GRHL2: variants seen among roughly 807,000 people sequenced by gnomAD.
GRHL2 encodes grainyhead-like protein 2 homolog.
In GRHL2, 21 loss-of-function variants were observed where a neutral mutation model predicts 83.8. That is an observed-to-expected ratio of 0.25 (90% confidence interval 0.18 to 0.36). GRHL2 has a LOEUF of 0.36. Ranked by LOEUF, GRHL2 falls within the 10% of genes least tolerant of loss-of-function variation. The probability of loss-of-function intolerance (pLI) is 1.00; values close to 1 mark genes in which losing one functional copy is unlikely to be tolerated. For synonymous variants in GRHL2, 280 were observed against 278.9 expected (o/e 1.00, Z -0.04); for missense variants, 623 against 781.8 (o/e 0.80, Z 2.42).
chr8:101,631,503 A>G (rs1183391537), intron 9 of GRHL2, 134 bp from the exon 10 acceptor site: 1 of 753,416 alleles, frequency 1.3e-6, no homozygotes, highest in Non-Finnish European at 2.3e-6. Context: ...ACCTTGCCAG[A>G]GGAATGGAAA....
intron 6 of GRHL2, among the ~76,000 whole-genome samples, chr8:101,574,025 G>T (rs753665322): frequency 6.6e-6 from 1 of 152,232 alleles, no homozygotes; most frequent in Non-Finnish European, 1.5e-5. Flanking sequence ...CCCCAGGGAA[G>T]GGACATGGTT....
intron 4 of GRHL2, among the ~76,000 whole-genome samples, chr8:101,570,112 C>T (rs187833820): frequency 4.6e-5 from 7 of 152,312 alleles, no homozygotes; most frequent in East Asian, 3.9e-4. Context: ...CCTGCAGACA[C>T]GTGAATAACA....
At position 101,496,147 on chromosome 8, in the gene GRHL2, CA is replaced by C. The variant is rs34918770; in HGVS notation, c.20+3376del. Among the ~76,000 whole-genome samples, 1,009 of 113,124 alleles carry C rather than the reference CA, an allele frequency of 8.9e-3. 10 individuals are homozygous for C. The highest frequency in any genetic ancestry group is 0.04 in the Middle Eastern group (9 of 224). 74.2% of individuals were successfully genotyped at this position (113,124 alleles called of 152,430 possible). Reference sequence around the variant, plus strand: ...TGGGTGACAGTGCGAGACTCCATCTCAAAAAAAAAAAAAAAAAATACAGGTC... The same window carrying C: ...TGGGTGACAGTGCGAGACTCCATCTCAAAAAAAAAAAAAAAAATACAGGTC... On this transcript the variant is annotated intron_variant, in intron 1 of 15. Coordinates refer to ENST00000646743, the MANE Select transcript of GRHL2 (RefSeq NM_024915.4).
At position 101,666,881 on chromosome 8, in the gene GRHL2, C is replaced by T. The variant is rs1814075971; in HGVS notation, c.*178C>T. On this transcript the variant is annotated 3_prime_UTR_variant, in exon 16 of 16. Transcript: ENST00000646743. The stretch of plus-strand genomic sequence containing the variant: ...CCACTGTCGGTGTGCTTGGCCCATC[C>T]ACTGGCACCTACCACGGAGCTGAAG... 1.5e-6 allele frequency: 1 copy of T among 661,110 alleles called. No homozygotes were observed. Among genetic ancestry groups the T allele is most frequent in the Admixed American group, 2.2e-5 (1 of 45,924 alleles). The allele number at this position is 661,110 out of a possible 1,614,324, so 41.0% of individuals were successfully genotyped here. A position where few individuals can be genotyped will look rare whatever the true frequency, so the allele number is the denominator to read the frequency against.
chr8:101,547,624 C>G (rs1811293203), intron 2 of GRHL2, among the ~76,000 whole-genome samples: 1 of 152,214 alleles, frequency 6.6e-6, no homozygotes, highest in Non-Finnish European at 1.5e-5. Context: ...ATAGTTCATG[C>G]AACTCAGTGG....
At chr8:101,558,876 A>G (rs1811545034) in intron 4 of GRHL2, 64 bp downstream of exon 4, 3 of 1,540,830 alleles carry the variant, frequency 1.9e-6, no homozygotes, top group South Asian at 2.3e-5. Flanking sequence ...ATTTTTTTCT[A>G]TTTCCTTTCA....
At position 101,538,030 on chromosome 8, in the gene GRHL2, G is replaced by A. The variant is rs56318822; in HGVS notation, c.21-5211G>A. On this transcript the variant is annotated intron_variant, in intron 1 of 15. Coordinates refer to ENST00000646743, the MANE Select transcript of GRHL2 (RefSeq NM_024915.4). ...CCTGTTACATAAGAAGCCCTGACCC[G>A]GAAGCAGATCATCCACTAATGGTTT... Among the ~76,000 whole-genome samples, 389 of 152,230 alleles carry A rather than the reference G, an allele frequency of 2.6e-3. 4 individuals are homozygous for A. The highest frequency in any genetic ancestry group is 4.7e-3 in the Non-Finnish European group (321 of 68,002).
chr8:101,532,748 C>T (rs1810963026), intron 1 of GRHL2, among the ~76,000 whole-genome samples: 3 of 144,416 alleles, frequency 2.1e-5, no homozygotes, highest in Non-Finnish European at 3.0e-5. Flanking sequence ...AGCGAGACTC[C>T]ATCTCACAAA....
At position 101,570,345 on chromosome 8, in the gene GRHL2, C is replaced by T. The variant is rs766515922; in HGVS notation, c.685C>T (p.Arg229Trp). Residue 229 changes from arginine (R) to tryptophan (W), a missense_variant, in exon 5 of 16, where the codon CGG (arginine) becomes TGG (tryptophan). By Grantham distance (101) the Arg-to-Trp change is moderately radical. This residue lies in a region of GRHL2 where 239 missense variants were observed against 240.5 expected (regional missense o/e 0.99). Transcript: ENST00000646743. The stretch of plus-strand genomic sequence containing the variant: ...GATGACTCATATTTTGCAGAAATTT[C>T]GGAGTGCTTCAGTTGGGGCTGAGGA... Reference protein sequence around the residue: ...SFKDAATEKFRSASVGAEEYM... With the variant: ...SFKDAATEKFWSASVGAEEYM... 9.9e-6 allele frequency: 16 copies of T among 1,613,730 alleles called. No homozygotes were observed. The highest frequency in any genetic ancestry group is 8.3e-5 in the Admixed American group (5 of 60,006).
intron 1 of GRHL2, among the ~76,000 whole-genome samples, chr8:101,509,601 A>G (rs143116691): frequency 7.8e-4 from 119 of 152,108 alleles, no homozygotes; most frequent in African/African-American, 2.8e-3. Flanking sequence ...TATTGAGGCT[A>G]TTTTCTTCAA....
In GRHL2 at chr8:101,549,192, G is replaced by A. The variant is rs534933831; in HGVS notation, c.217-3523G>A. On this transcript the variant is annotated intron_variant, in intron 2 of 15. Coordinates refer to ENST00000646743, the MANE Select transcript of GRHL2 (RefSeq NM_024915.4). Reference sequence around the variant, plus strand: ...TAGGCAGAGAGGACTTTGTGTCATGGCTCTTTTATGAGAAGGAGCATATGC... The same window carrying A: ...TAGGCAGAGAGGACTTTGTGTCATGACTCTTTTATGAGAAGGAGCATATGC... Among the ~76,000 whole-genome samples, 303 of 152,256 alleles carry A rather than the reference G, an allele frequency of 2.0e-3. 4 individuals are homozygous for A. The highest frequency in any genetic ancestry group is 6.8e-3 in the African/African-American group (282 of 41,548).
At chr8:101,626,233 A>G (rs984992885) in intron 9 of GRHL2, among the ~76,000 whole-genome samples, 1 of 152,062 alleles carries the variant, frequency 6.6e-6, no homozygotes, top group African/African-American at 2.4e-5. Flanking sequence ...ATTCTGCACT[A>G]TTTACAGTTC....
chr8:101,620,913 C>T (rs941400065), intron 9 of GRHL2, among the ~76,000 whole-genome samples: 4 of 142,048 alleles, frequency 2.8e-5, no homozygotes, highest in Non-Finnish European at 6.1e-5. Context: ...CCTTCTAAGA[C>T]AAAATCCTGC....
intron 8 of GRHL2, among the ~76,000 whole-genome samples, chr8:101,617,356 TGAG>T (rs1015112595): frequency 4.6e-5 from 7 of 152,104 alleles, no homozygotes; most frequent in Non-Finnish European, 1.0e-4. Flanking sequence ...CAGTGCCAGT[TGAG>T]GAGCTCAAAA....
At chr8:101,570,104 T>G (rs537968323) in intron 4 of GRHL2, among the ~76,000 whole-genome samples, 1 of 152,368 alleles carries the variant, frequency 6.6e-6, no homozygotes, top group African/African-American at 2.4e-5. Context: ...TAGGAACACC[T>G]GCAGACACGT....
Position 101,505,006 on chromosome 8 carries a change from TACA to T in GRHL2, c.20+12225_20+12227del, listed in dbSNP as rs552689111. Among the ~76,000 whole-genome samples, 81 of 143,110 alleles carry T rather than the reference TACA, an allele frequency of 5.7e-4. No individual in the cohort carries two copies. The South Asian group carries it at 0.018, about 31-fold the overall frequency. The allele number at this position is 143,110 out of a possible 152,430, so 93.9% of individuals were successfully genotyped here. A position where few individuals can be genotyped will look rare whatever the true frequency, so the allele number is the denominator to read the frequency against. On this transcript the variant is annotated intron_variant, in intron 1 of 15. Transcript: ENST00000646743. ...AAAAAAAAAAAGAGGAGGCTAAAAA[TACA>T]ACAACAAAAAAAAGGTGGAAATGAA...
At chr8:101,493,871 C>G (rs1810032803) in intron 1 of GRHL2, among the ~76,000 whole-genome samples, 1 of 151,852 alleles carries the variant, frequency 6.6e-6, no homozygotes, top group African/African-American at 2.4e-5. Flanking sequence ...ACGGCCTCCC[C>G]CCTGGCCGGC....
intron 9 of GRHL2, among the ~76,000 whole-genome samples, chr8:101,624,423 GTAGGACAGTACACAGTAGGACAGTTTAC>G (rs1362678924): frequency 4.8e-4 from 72 of 151,182 alleles, no homozygotes; most frequent in African/African-American, 1.5e-3. Context: ...ACATTACACA[GTAGGACAGTACACAGTAGGACAGTTTAC>G]AGTACACAGT....
intron 4 of GRHL2, chr8:101,562,359 G>A (rs1273738655): frequency 7.4e-6 from 5 of 676,302 alleles, no homozygotes; most frequent in Middle Eastern, 4.6e-4. Context: ...GGAGGATTGT[G>A]CTTCTTTTTA....
Sources: allele counts gnomAD v4.1 joint callset (sites outside exome capture counted in the v4.1 genomes callset), GRCh38; gene constraint gnomAD v4.1.1; regional missense constraint gnomAD v4.1.1; transcripts MANE v1.5; gene names NCBI Gene and HGNC (gene_info 2026-07-23, HGNC 2026-07-21).